Variants in SPATA31F1 observed in about 807,000 individuals in gnomAD.
The protein encoded by SPATA31F1 is protein SPATA31F1.
chr9:34,726,909 C>G, the SPATA31F1 span: 1 of 1,551,728 alleles, frequency 6.4e-7, no homozygotes, highest in Non-Finnish European at 8.7e-7. Context: ...ATCTCCAGAG[C>G]CACAGAATTG....
the SPATA31F1 span, chr9:34,729,157 G>A: frequency 3.2e-3 from 3,661 of 1,156,854 alleles, 10 homozygotes; most frequent in Non-Finnish European, 4.1e-3. Flanking sequence ...GAGAAGAAAA[G>A]TATTACACAA....
the SPATA31F1 span, chr9:34,726,805 A>C: frequency 3.7e-5 from 58 of 1,551,658 alleles, no homozygotes; most frequent in Non-Finnish European, 4.5e-5. Flanking sequence ...AAGACATACT[A>C]GACGTAGACA....
the SPATA31F1 span, chr9:34,728,586 C>T: frequency 1.3e-6 from 2 of 1,549,290 alleles, no homozygotes; most frequent in Non-Finnish European, 1.7e-6. Context: ...GGAAGGGAGT[C>T]AGAGGAGAGA....
At chr9:34,726,472 G>A in the SPATA31F1 span, 1 of 1,551,524 alleles carries the variant, frequency 6.4e-7, no homozygotes, top group East Asian at 2.4e-5. Flanking sequence ...AGGAGACCTG[G>A]GAATTCAAGT....
the SPATA31F1 span, chr9:34,723,110 G>T: frequency 8.1e-7 from 1 of 1,227,742 alleles, no homozygotes. Flanking sequence ...CACATTTATG[G>T]AAATGACAAT....
chr9:34,723,951 A>G, the SPATA31F1 span: 3 of 1,551,210 alleles, frequency 1.9e-6, no homozygotes, highest in African/African-American at 1.4e-5. Flanking sequence ...CTCCATCGCC[A>G]GGACCCTCGG....
chr9:34,727,320 G>A, the SPATA31F1 span, among the ~76,000 whole-genome samples: 2 of 152,186 alleles, frequency 1.3e-5, no homozygotes, highest in Admixed American at 1.3e-4. Context: ...AGCTGATGGG[G>A]CATCACCAGG....
chr9:34,723,987 C>T, the SPATA31F1 span: 1 of 1,550,418 alleles, frequency 6.4e-7, no homozygotes, highest in Non-Finnish European at 8.7e-7. Flanking sequence ...AGCATCCCTG[C>T]TGGCCTCTGG....
the SPATA31F1 span, chr9:34,723,598 T>C: frequency 6.4e-7 from 1 of 1,551,764 alleles, no homozygotes; most frequent in Non-Finnish European, 8.7e-7. Flanking sequence ...AACATTTAAT[T>C]TTATTTCTGA....
chr9:34,724,952 C>G, the SPATA31F1 span: 1 of 1,551,614 alleles, frequency 6.4e-7, no homozygotes, highest in Non-Finnish European at 8.7e-7. Context: ...AGACAAGACT[C>G]GGAGCAGCTT....
chr9:34,723,104 T>G, the SPATA31F1 span: 1 of 1,165,700 alleles, frequency 8.6e-7, no homozygotes, highest in Non-Finnish European at 1.2e-6. Flanking sequence ...CACCTGCACA[T>G]TTATGGAAAT....
the SPATA31F1 span, chr9:34,728,031 A>T: frequency 2.5e-5 from 39 of 1,551,982 alleles, no homozygotes; most frequent in Admixed American, 7.7e-4. Flanking sequence ...CCTTTTAATG[A>T]TGGAGAGCAG....
the SPATA31F1 span, chr9:34,728,490 G>A: frequency 1.1e-6 from 1 of 911,834 alleles, no homozygotes; most frequent in Admixed American, 2.7e-5. Context: ...TTTCAGTCTG[G>A]GGAACTGGAG....
At chr9:34,727,910 G>T in the SPATA31F1 span, 1 of 990,948 alleles carries the variant, frequency 1.0e-6, no homozygotes, top group Non-Finnish European at 1.5e-6. Flanking sequence ...CTTCCACTGT[G>T]TATGTCTCCC....
chr9:34,728,678 T>C, the SPATA31F1 span: 2 of 1,550,646 alleles, frequency 1.3e-6, no homozygotes, highest in African/African-American at 1.4e-5. Flanking sequence ...AACATTAGAA[T>C]GTGAAGCTGG....
At chr9:34,728,732 A>T in the SPATA31F1 span, 21 of 1,343,180 alleles carry the variant, frequency 1.6e-5, no homozygotes, top group African/African-American at 2.7e-4. Context: ...CAAAACTTAC[A>T]TACATTTTTC....
the SPATA31F1 span, chr9:34,725,441 A>C: frequency 1.7e-6 from 2 of 1,150,032 alleles, no homozygotes; most frequent in Admixed American, 2.8e-5. Flanking sequence ...ATGGCGAATC[A>C]ACTGTTTCTG....
the SPATA31F1 span, chr9:34,726,747 G>A: frequency 1.9e-6 from 3 of 1,551,754 alleles, no homozygotes; most frequent in Non-Finnish European, 2.6e-6. Flanking sequence ...ACAGATGACA[G>A]TGAAAGCTCT....
chr9:34,725,853 G>T, the SPATA31F1 span: 75 of 1,551,772 alleles, frequency 4.8e-5, no homozygotes, highest in African/African-American at 6.8e-5. Context: ...TTCAAGGGGG[G>T]CTTGGGCACA....
Sources: gnomAD v4.1 joint callset for allele counts (sites outside exome capture counted in the v4.1 genomes callset) on GRCh38, gnomAD v4.1.1 for gene constraint, MANE v1.5 for transcripts, NCBI Gene and HGNC (gene_info 2026-07-23, HGNC 2026-07-21) for gene names.